CTNNA3: variants seen among roughly 807,000 people sequenced by gnomAD.
CTNNA3 encodes catenin alpha 3.
A neutral mutation model predicts 95.7 loss-of-function variants in CTNNA3; 76 were observed. The observed-to-expected ratio is 0.79, with a 90% CI of 0.66 to 0.96. The LOEUF (loss-of-function observed/expected upper bound fraction) is 0.96. CTNNA3 is among the 40% of genes least tolerant of loss of function. The pLI is 0.00. For synonymous variants in CTNNA3, 431 were observed against 374.4 expected (o/e 1.15, Z -1.74); for missense variants, 1,191 against 1,089.8 (o/e 1.09, Z -1.31).
At chr10:66,913,238 C>CAAAAAAAAAAAAAAAAAAAAAAAA (rs1161880781) in intron 7 of CTNNA3, among the ~76,000 whole-genome samples, 6 of 33,536 alleles carry the variant, frequency 1.8e-4, no homozygotes, top group Non-Finnish European at 2.5e-4. Flanking sequence ...GACTCCGTCT[C>CAAAAAAAAAAAAAAAAAAAAAAAA]AAAAAAAAAA....
intron 7 of CTNNA3, among the ~76,000 whole-genome samples, chr10:67,104,477 G>A (rs540394195): frequency 1.8e-4 from 27 of 151,860 alleles, no homozygotes; most frequent in Non-Finnish European, 3.7e-4. Context: ...TCATTACTTC[G>A]TGGAGATGGA....
intron 6 of CTNNA3, among the ~76,000 whole-genome samples, chr10:67,183,499 T>C (rs978237235): frequency 6.9e-6 from 1 of 145,886 alleles, no homozygotes. Context: ...TGAGAACACA[T>C]GGACACAGGA....
At chr10:67,008,395 C>G (rs1852130663) in intron 7 of CTNNA3, among the ~76,000 whole-genome samples, 1 of 152,062 alleles carries the variant, frequency 6.6e-6, no homozygotes. Context: ...TAGTTGGAAT[C>G]CCTCCATACC....
At chr10:66,578,627 T>C (rs1013452358) in intron 10 of CTNNA3, among the ~76,000 whole-genome samples, 39 of 152,048 alleles carry the variant, frequency 2.6e-4, no homozygotes, top group African/African-American at 8.2e-4. Context: ...ATGTATTGAT[T>C]TGCCTATGTT....
At chr10:67,491,551 G>T (rs1401736833) in intron 5 of CTNNA3, among the ~76,000 whole-genome samples, 2 of 152,182 alleles carry the variant, frequency 1.3e-5, no homozygotes, top group African/African-American at 4.8e-5. Context: ...TCATGCAGCT[G>T]TAACAGTATA....
intron 11 of CTNNA3, among the ~76,000 whole-genome samples, chr10:66,461,567 C>T (rs972743180): frequency 6.6e-6 from 1 of 151,538 alleles, no homozygotes; most frequent in Non-Finnish European, 1.5e-5. Context: ...AGACTCTTGG[C>T]AGGACACTTC....
Position 67,106,060 on chromosome 10 carries a change from A to G in CTNNA3, c.1047+74257T>C, listed in dbSNP as rs531983337. On this transcript the variant is annotated intron_variant, in intron 7 of 17. Coordinates refer to ENST00000433211, the MANE Select transcript of CTNNA3 (RefSeq NM_013266.4). Reference sequence around the variant, plus strand: ...CTATTTAATAATGAATCCTTGTTACACTTCATCATTTTGTGGAAGAATTAC... The same window carrying G: ...CTATTTAATAATGAATCCTTGTTACGCTTCATCATTTTGTGGAAGAATTAC... 1.4e-3 allele frequency among the ~76,000 whole-genome samples: 217 copies of G among 152,308 alleles called. 1 individual carries two copies. The highest frequency in any genetic ancestry group is 5.1e-3 in the African/African-American group (212 of 41,574).
intron 10 of CTNNA3, among the ~76,000 whole-genome samples, chr10:66,573,522 C>G (rs190835281): frequency 3.3e-4 from 51 of 152,272 alleles, no homozygotes; most frequent in African/African-American, 1.2e-3. Context: ...CAAAATTTTA[C>G]TGAAGTTCAA....
At chr10:66,235,071 C>A (rs1273754751) in intron 13 of CTNNA3, among the ~76,000 whole-genome samples, 1 of 152,150 alleles carries the variant, frequency 6.6e-6, no homozygotes, top group Non-Finnish European at 1.5e-5. Context: ...GCTTGTTGAG[C>A]CTTCAGATAG....
intron 7 of CTNNA3, among the ~76,000 whole-genome samples, chr10:66,974,803 TG>T (rs1849936298): frequency 6.6e-6 from 1 of 152,010 alleles, no homozygotes; most frequent in Admixed American, 6.6e-5. Context: ...ACCAACCATT[TG>T]TTTTTTTTTT....
chr10:67,118,488 G>A (rs1819157582), intron 7 of CTNNA3, among the ~76,000 whole-genome samples: 1 of 151,712 alleles, frequency 6.6e-6, no homozygotes, highest in African/African-American at 2.4e-5. Context: ...TCAAAGCTTT[G>A]GAAAAATTAA....
At chr10:66,603,900 C>T (rs1376963463) in intron 10 of CTNNA3, among the ~76,000 whole-genome samples, 1 of 151,976 alleles carries the variant, frequency 6.6e-6, no homozygotes, top group Non-Finnish European at 1.5e-5. Context: ...GAGTAGATTC[C>T]CATCTTTCAC....
At chr10:67,580,371 T>G (rs2133316504) in intron 3 of CTNNA3, among the ~76,000 whole-genome samples, 1 of 152,060 alleles carries the variant, frequency 6.6e-6, no homozygotes, top group Non-Finnish European at 1.5e-5. Flanking sequence ...GTTGTAGATG[T>G]GTGTGGTATT....
At chr10:66,939,895 C>T (rs562102576) in intron 7 of CTNNA3, among the ~76,000 whole-genome samples, 1 of 152,148 alleles carries the variant, frequency 6.6e-6, no homozygotes, top group African/African-American at 2.4e-5. Context: ...AACTGCAATC[C>T]TCAAGTTCTC....
chr10:66,077,699 T>C (rs2080597227), intron 14 of CTNNA3, among the ~76,000 whole-genome samples: 1 of 138,110 alleles, frequency 7.2e-6, no homozygotes, highest in African/African-American at 2.9e-5. Context: ...GTGATCTGTA[T>C]GGAGCCCCTA....
At chr10:66,561,045 ACAGCCCAAACTAAGACAAGGT>A (rs1383382279) in intron 10 of CTNNA3, among the ~76,000 whole-genome samples, 1 of 152,126 alleles carries the variant, frequency 6.6e-6, no homozygotes, top group Non-Finnish European at 1.5e-5. Flanking sequence ...ATTTGTTACA[ACAGCCCAAACTAAGACAAGGT>A]GACTCTTTAA....
At chr10:66,285,215 A>G (rs2091564449) in intron 12 of CTNNA3, among the ~76,000 whole-genome samples, 1 of 151,290 alleles carries the variant, frequency 6.6e-6, no homozygotes, top group Non-Finnish European at 1.5e-5. Context: ...TTCAAAAAGT[A>G]AAAAATAAAA....
At chr10:66,162,873 C>T (rs904988625) in intron 13 of CTNNA3, among the ~76,000 whole-genome samples, 6 of 148,076 alleles carry the variant, frequency 4.1e-5, no homozygotes, top group East Asian at 2.0e-4. Flanking sequence ...TCTCCTTGGG[C>T]GGGTCTTGCT....
Position 66,004,609 on chromosome 10 carries a change from GTTC to G in CTNNA3, c.2160-15815_2160-15813del, listed in dbSNP as rs2078842049. Among the ~76,000 whole-genome samples, 3 of 152,136 alleles carry G rather than the reference GTTC, an allele frequency of 2.0e-5. No individual in the cohort carries two copies. The South Asian group carries it at 6.2e-4, about 32-fold the overall frequency. On this transcript the variant is annotated intron_variant, in intron 15 of 17. Coordinates refer to ENST00000433211, the MANE Select transcript of CTNNA3 (RefSeq NM_013266.4). ...TGAAAATTGTGGTTTCTAGGTAGAA[GTTC>G]TTCTAAGGACTTCAGCCTATTTTGT...
Sources: gnomAD v4.1 joint callset for allele counts (sites outside exome capture counted in the v4.1 genomes callset) on GRCh38, gnomAD v4.1.1 for gene constraint, MANE v1.5 for transcripts, NCBI Gene and HGNC (gene_info 2026-07-23, HGNC 2026-07-21) for gene names.